The following CHIA variants were observed in gnomAD, a reference collection of about 807,000 sequenced individuals.
CHIA encodes acidic mammalian chitinase.
Under a neutral mutation model 53.5 loss-of-function variants are expected in CHIA, and 47 were observed. That is an observed-to-expected ratio of 0.88 (90% confidence interval 0.70 to 1.12). CHIA has a LOEUF of 1.12. CHIA is among the 50% of genes most tolerant of loss of function. The pLI is 0.00. For missense variants in CHIA, 652 were observed against 592.2 expected, an observed-to-expected ratio of 1.10 and a Z score of -1.05; for synonymous variants, 268 against 222.2, an observed-to-expected ratio of 1.21 and a Z score of -1.83.
chr1:111,309,531 G>A (rs573946756), intron 1 of CHIA, among the ~76,000 whole-genome samples: 1 of 152,314 alleles, frequency 6.6e-6, no homozygotes, highest in East Asian at 1.9e-4. Flanking sequence ...ATTGGGATAG[G>A]CAGTGAGGAT....
Position 111,312,212 on chromosome 1 carries a change from C to T in CHIA, c.78C>T (p.Cys26=), listed in dbSNP as rs767864863. 6.2e-7 allele frequency: 1 copy of T among 1,614,088 alleles called. No homozygotes were observed. The highest frequency in any genetic ancestry group is 8.5e-7 in the Non-Finnish European group (1 of 1,179,950). Residue 26 remains cysteine (C), a synonymous_variant, in exon 4 of 12, where the codon TGC becomes TGT. Transcript: ENST00000369740. The stretch of plus-strand genomic sequence containing the variant: ...CAGGCTCTGCCTACCAGCTGACATG[C>T]TACTTCACCAACTGGGCCCAGTACC... ...LQLGSAYQLT[C]YFTNWAQYRP... is the part of the protein sequence containing the mutation.
chr1:111,309,169 C>T (rs1648465280), intron 1 of CHIA, among the ~76,000 whole-genome samples: 2 of 152,210 alleles, frequency 1.3e-5, no homozygotes, highest in South Asian at 4.1e-4. Context: ...CACATGCACC[C>T]TGGAACTAAA....
At chr1:111,310,647 A>G (rs1301285569) in intron 2 of CHIA, among the ~76,000 whole-genome samples, 155 bp downstream of exon 2, 3 of 152,212 alleles carry the variant, frequency 2.0e-5, no homozygotes, top group Non-Finnish European at 4.4e-5. Flanking sequence ...GTTATATACA[A>G]ATCAGTCTGC....
chr1:111,291,638 T>C (rs905724110), intron 1 of CHIA, among the ~76,000 whole-genome samples: 16 of 152,042 alleles, frequency 1.1e-4, no homozygotes, highest in African/African-American at 3.9e-4. Flanking sequence ...GTAACAAACC[T>C]ACACATTCTG....
chr1:111,304,688 C>T (rs1337264669), intron 1 of CHIA, among the ~76,000 whole-genome samples: 2 of 152,090 alleles, frequency 1.3e-5, no homozygotes, highest in South Asian at 2.1e-4. Flanking sequence ...ATATTCAAGA[C>T]AGTTGTTCTA....
At chr1:111,304,940 A>G (rs537765295) in intron 1 of CHIA, among the ~76,000 whole-genome samples, 1 of 151,682 alleles carries the variant, frequency 6.6e-6, no homozygotes, top group South Asian at 2.1e-4. Context: ...TGTATTTTTT[A>G]TTTTTTAGAG....
At chr1:111,299,911 A>C (rs1647566502) in intron 1 of CHIA, among the ~76,000 whole-genome samples, 1 of 152,248 alleles carries the variant, frequency 6.6e-6, no homozygotes, top group Admixed American at 6.5e-5. Flanking sequence ...AAGTGCAAAA[A>C]TCACAAGCAT....
Position 111,312,278 on chromosome 1 carries a change from C to G in CHIA, c.144C>G (p.Pro48=). Reference sequence around the variant, plus strand: ...GCTTCATGCCTGACAACATCGACCCCTGCCTCTGTACCCACCTGATCTACG... The same window carrying G: ...GCTTCATGCCTGACAACATCGACCCGTGCCTCTGTACCCACCTGATCTACG... ...LGRFMPDNID[P]CLCTHLIYAF... Residue 48 remains proline, a synonymous_variant, in exon 4 of 12, where the codon CCC becomes CCG. Coordinates refer to ENST00000369740, the MANE Select transcript of CHIA (RefSeq NM_201653.4). 1 of 1,614,022 alleles carries G rather than the reference C, an allele frequency of 6.2e-7. No individual in the cohort carries two copies. The highest frequency in any genetic ancestry group is 1.1e-5 in the South Asian group (1 of 91,074).
At chr1:111,296,964 A>C (rs141322655) in intron 1 of CHIA, among the ~76,000 whole-genome samples, 1 of 152,350 alleles carries the variant, frequency 6.6e-6, no homozygotes, top group African/African-American at 2.4e-5. Context: ...CAAATGGAAG[A>C]AAGGGTATCC....
chr1:111,315,258 G>A lies in CHIA; in HGVS notation c.315-12G>A, dbSNP rs1190038525. The A allele has an allele frequency of 6.2e-7, 1 of 1,609,040 alleles. No homozygotes were observed. Among genetic ancestry groups the A allele is most frequent in the Non-Finnish European group, 8.5e-7 (1 of 1,177,474 alleles). ...CCAAGGTCTCACCCTGCCTTCTTTG[G>A]GTCTCCCTCAGTTTCACTGCCATGG... On this transcript the variant is annotated splice_polypyrimidine_tract_variant and intron_variant, in intron 5 of 11. Transcript: ENST00000369740.
At chr1:111,303,690 T>C (rs554925696) in intron 1 of CHIA, among the ~76,000 whole-genome samples, 6 of 152,266 alleles carry the variant, frequency 3.9e-5, no homozygotes, top group African/African-American at 1.4e-4. Flanking sequence ...TCTTTATACA[T>C]TGTGTGTTCC....
intron 6 of CHIA, 138 bp from the exon 7 acceptor site, chr1:111,317,543 T>C: frequency 1.1e-6 from 1 of 920,572 alleles, no homozygotes; most frequent in African/African-American, 1.7e-5. Context: ...TATTTGGTTG[T>C]TGAGAGACTA....
At position 111,314,552 on chromosome 1, in the gene CHIA, G is replaced by A; in HGVS notation, c.270G>A (p.Leu90=). The change falls in exon 5 of 12, where the codon CTG becomes CTA. Residue 90 remains leucine, a synonymous_variant. Coordinates refer to ENST00000369740, the MANE Select transcript of CHIA (RefSeq NM_201653.4). Reference sequence around the variant, plus strand: ...CTTTGTTTTACAGGAACAGCCAGCTGAAAACTCTCCTGGCCATTGGAGGCT... The same window carrying A: ...CTTTGTTTTACAGGAACAGCCAGCTAAAAACTCTCCTGGCCATTGGAGGCT... The part of the protein sequence containing the change: ...FNGLKNKNSQ[L]KTLLAIGGWN... 1 of 1,612,244 alleles carries A rather than the reference G, an allele frequency of 6.2e-7. No individual in the cohort carries two copies. Among genetic ancestry groups the A allele is most frequent in the Non-Finnish European group, 8.5e-7 (1 of 1,178,290 alleles).
rs200105535 is a variant in CHIA at position 111,305,830 on chromosome 1, CA to C, written c.-68-4569del. On this transcript the variant is annotated intron_variant, in intron 1 of 11. Transcript: ENST00000369740. ...GAAGAAAGAAAGCTGCCATTATTCTCAGATGACATAGAAACCAAAAAATGCG... is the reference window on the plus strand; with the variant it reads ...GAAGAAAGAAAGCTGCCATTATTCTCGATGACATAGAAACCAAAAAATGCG... Among the ~76,000 whole-genome samples the C allele has an allele frequency of 6.2e-3, 939 of 152,262 alleles. 11 individuals carry two copies. The highest frequency in any genetic ancestry group is 0.022 in the African/African-American group (903 of 41,546).
chr1:111,318,737 G>C, intron 9 of CHIA, 59 bp downstream of exon 9: 1 of 1,520,632 alleles, frequency 6.6e-7, no homozygotes, highest in East Asian at 2.3e-5. Flanking sequence ...CTTAGGGCTA[G>C]AATCTGCTGA....
chr1:111,291,314 C>T (rs889676420), intron 1 of CHIA, among the ~76,000 whole-genome samples: 10 of 152,100 alleles, frequency 6.6e-5, no homozygotes, highest in African/African-American at 1.4e-4. Context: ...ATATACATCA[C>T]GGAATACTAT....
At chr1:111,301,877 G>A (rs958919628) in intron 1 of CHIA, among the ~76,000 whole-genome samples, 2 of 152,064 alleles carry the variant, frequency 1.3e-5, no homozygotes, top group African/African-American at 4.8e-5. Flanking sequence ...ACGTAGGGCA[G>A]GGAATATCAC....
At chr1:111,317,633 G>C in intron 6 of CHIA, 48 bp from the exon 7 acceptor site, 2 of 1,606,142 alleles carry the variant, frequency 1.2e-6, no homozygotes, top group Non-Finnish European at 1.7e-6. Flanking sequence ...TATTTAAGGA[G>C]CTAAAATCAG....
At chr1:111,308,229 A>G (rs1648354291) in intron 1 of CHIA, among the ~76,000 whole-genome samples, 1 of 152,202 alleles carries the variant, frequency 6.6e-6, no homozygotes, top group Admixed American at 6.5e-5. Flanking sequence ...TTCAATAGAA[A>G]ATACCTCACT....
Sources: gnomAD v4.1 joint callset for allele counts (sites outside exome capture counted in the v4.1 genomes callset) on GRCh38, gnomAD v4.1.1 for gene constraint, MANE v1.5 for transcripts, NCBI Gene and HGNC (gene_info 2026-07-23, HGNC 2026-07-21) for gene names.